The following NR3C1 variants were observed in gnomAD, a reference collection of about 807,000 sequenced individuals.
NR3C1 encodes glucocorticoid receptor.
Under a neutral mutation model 74.0 loss-of-function variants are expected in NR3C1, and 14 were observed. The ratio of observed to expected loss-of-function variants is 0.19; its 90% confidence interval spans 0.12 to 0.30. NR3C1 has a LOEUF of 0.30. NR3C1 is among the 10% of genes least tolerant of loss of function. NR3C1 has a pLI of 1.00. For missense variants in NR3C1, 695 were observed against 909.8 expected (o/e 0.76, Z 3.04); for synonymous variants, 308 against 332.5 (o/e 0.93, Z 0.80).
At chr5:143,422,278 A>G (rs1174009938) in intron 1 of NR3C1, among the ~76,000 whole-genome samples, 2 of 152,166 alleles carry the variant, frequency 1.3e-5, no homozygotes, top group African/African-American at 2.4e-5. Context: ...CGATCATCCC[A>G]AGTATCTTGA....
intron 2 of NR3C1, among the ~76,000 whole-genome samples, chr5:143,388,548 G>C (rs1837674900): frequency 6.6e-6 from 1 of 152,202 alleles, no homozygotes; most frequent in African/African-American, 2.4e-5. Context: ...CATTGTAGCA[G>C]GTGAGCAGAT....
chr5:143,279,654 C>G lies in NR3C1; in HGVS notation c.*2235G>C. On this transcript the variant is annotated 3_prime_UTR_variant, in exon 9 of 9. Transcript: ENST00000394464. The stretch of plus-strand genomic sequence containing the variant: ...ACATTCAAAAAGCATTCAAAGAAAA[C>G]AAAAACATGTCCTCATTTTATTTGG... 3 of 406,394 alleles carry G rather than the reference C, an allele frequency of 7.4e-6. No homozygotes were observed. The highest frequency in any genetic ancestry group is 4.4e-5 in the East Asian group (1 of 22,892). The allele number at this position is 406,394 out of a possible 1,614,324, so 25.2% of individuals were successfully genotyped here.
chr5:143,419,927 C>T (rs1470415175), intron 1 of NR3C1, among the ~76,000 whole-genome samples: 1 of 152,108 alleles, frequency 6.6e-6, no homozygotes, highest in African/African-American at 2.4e-5. Context: ...CCATAGAAGA[C>T]AGCCACACCC....
In NR3C1 at chr5:143,377,281, C is replaced by T. The variant is rs1280117679; in HGVS notation, c.1184+22375G>A. Among the ~76,000 whole-genome samples, 3 of 152,102 alleles carry T rather than the reference C, an allele frequency of 2.0e-5. No homozygotes were observed. In the East Asian group the frequency reaches 5.8e-4, roughly 29 times the overall value. The stretch of plus-strand genomic sequence containing the variant: ...AGGGGATGCCATTCCCCTCCCCCCA[C>T]ACAAAAAAAGGCCATGACTCAATAT... On this transcript the variant is annotated intron_variant, in intron 2 of 8. Coordinates refer to ENST00000394464, the MANE Select transcript of NR3C1 (RefSeq NM_000176.3).
intron 2 of NR3C1, among the ~76,000 whole-genome samples, chr5:143,318,815 A>G (rs2064117964): frequency 6.6e-6 from 1 of 152,176 alleles, no homozygotes; most frequent in African/African-American, 2.4e-5. Flanking sequence ...TGGATTATGC[A>G]CCTTCTCATT....
chr5:143,415,389 T>C (rs1219632211), intron 1 of NR3C1, among the ~76,000 whole-genome samples: 1 of 152,172 alleles, frequency 6.6e-6, no homozygotes, highest in Non-Finnish European at 1.5e-5. Context: ...AGTTAACGAT[T>C]ACAAAATTAC....
At chr5:143,340,625 G>C (rs1419352286) in intron 2 of NR3C1, among the ~76,000 whole-genome samples, 1 of 151,712 alleles carries the variant, frequency 6.6e-6, no homozygotes, top group African/African-American at 2.4e-5. Flanking sequence ...TGGGATTACA[G>C]GTGCGCGCCA....
At chr5:143,403,802 C>T (rs1840816931), upstream of NR3C1, 4 of 978,974 alleles carry the variant, frequency 4.1e-6, no homozygotes, top group Non-Finnish European at 4.8e-6. Context: ...TGACGCTTGG[C>T]AACTGCAGGG....
intron 2 of NR3C1, among the ~76,000 whole-genome samples, chr5:143,327,733 A>C (rs1824952345): frequency 6.6e-6 from 1 of 152,166 alleles, no homozygotes; most frequent in Admixed American, 6.5e-5. Context: ...AAAGCTCCAA[A>C]ATCTCCTTTG....
chr5:143,413,209 A>C (rs558703797), intron 1 of NR3C1, among the ~76,000 whole-genome samples: 1 of 152,258 alleles, frequency 6.6e-6, no homozygotes, highest in East Asian at 1.9e-4. Flanking sequence ...AAGCTTCAAG[A>C]AGTCATCTGG....
intron 7 of NR3C1, chr5:143,294,051 C>T (rs1019481777): frequency 2.0e-6 from 2 of 984,938 alleles, no homozygotes; most frequent in African/African-American, 3.5e-5. Flanking sequence ...CTTGCCTTGA[C>T]TGAAATATTA....
intron 1 of NR3C1, among the ~76,000 whole-genome samples, chr5:143,402,435 A>G (rs1203105881): frequency 6.6e-6 from 1 of 152,240 alleles, no homozygotes; most frequent in Non-Finnish European, 1.5e-5. Flanking sequence ...TAGCACTTGT[A>G]AAAATCGCAG....
At chr5:143,325,657 T>C (rs1824433009) in intron 2 of NR3C1, among the ~76,000 whole-genome samples, 1 of 152,206 alleles carries the variant, frequency 6.6e-6, no homozygotes, top group Non-Finnish European at 1.5e-5. Context: ...TCTTCCTAAT[T>C]AGTAGGTTAA....
intron 3 of NR3C1, among the ~76,000 whole-genome samples, chr5:143,310,815 G>A (rs1318210496): frequency 1.3e-5 from 2 of 151,920 alleles, no homozygotes; most frequent in East Asian, 1.9e-4. Flanking sequence ...ACGCCACCAC[G>A]CCTGGCTAAT....
At chr5:143,403,693 G>A (rs1840797523), upstream of NR3C1, 2 of 985,408 alleles carry the variant, frequency 2.0e-6, no homozygotes, top group African/African-American at 1.7e-5. Flanking sequence ...CGGCGCCACG[G>A]CGCGCACACA....
At chr5:143,287,462 T>A (rs898256758) in intron 7 of NR3C1, among the ~76,000 whole-genome samples, 2 of 151,966 alleles carry the variant, frequency 1.3e-5, no homozygotes, top group African/African-American at 4.8e-5. Context: ...TACAAAACTA[T>A]GTCAAGGAAA....
At chr5:143,374,214 C>T (rs1834737507) in intron 2 of NR3C1, among the ~76,000 whole-genome samples, 1 of 151,982 alleles carries the variant, frequency 6.6e-6, no homozygotes, top group African/African-American at 2.4e-5. Context: ...AGTAAAGGGC[C>T]GGGTGTGGTG....
intron 2 of NR3C1, among the ~76,000 whole-genome samples, chr5:143,351,423 CCATT>C (rs1830199202): frequency 1.3e-5 from 2 of 152,068 alleles, no homozygotes; most frequent in African/African-American, 4.8e-5. Context: ...AAAATTAAAG[CCATT>C]CAAAGAGTCA....
chr5:143,281,755 C>T lies in NR3C1; in HGVS notation c.*134G>A, dbSNP rs72466429. The T allele has an allele frequency of 2.8e-4, 266 of 944,676 alleles. 2 individuals are homozygous for T. The highest frequency in any genetic ancestry group is 3.3e-4 in the Middle Eastern group (1 of 3,056). The allele number at this position is 944,676 out of a possible 1,614,324, so 58.5% of individuals were successfully genotyped here. On this transcript the variant is annotated 3_prime_UTR_variant, in exon 9 of 9. Transcript: ENST00000394464. Reference sequence around the variant, plus strand: ...GGCCCTCTATAAACCACATGTAGTGCGTATTTAAAACAAAACAACAGATGA... The same window carrying T: ...GGCCCTCTATAAACCACATGTAGTGTGTATTTAAAACAAAACAACAGATGA...
Sources: gnomAD v4.1 joint callset for allele counts (sites outside exome capture counted in the v4.1 genomes callset) on GRCh38, gnomAD v4.1.1 for gene constraint, MANE v1.5 for transcripts, NCBI Gene and HGNC (gene_info 2026-07-23, HGNC 2026-07-21) for gene names.